EXT1: variants seen among roughly 807,000 people sequenced by gnomAD.
EXT1 encodes the protein exostosin-1.
EXT1 carries 20 observed loss-of-function variants against 82.5 expected under a neutral mutation model. The ratio of observed to expected loss-of-function variants is 0.24; its 90% confidence interval spans 0.17 to 0.35. EXT1 has a LOEUF of 0.35. Among genes scored for constraint, EXT1 ranks in the 10% least tolerant of loss-of-function variants. The probability of loss-of-function intolerance (pLI) is 1.00; values close to 1 mark genes in which losing one functional copy is unlikely to be tolerated. For missense variants in EXT1, 757 were observed against 936.5 expected (o/e 0.81, Z 2.50); for synonymous variants, 348 against 350.8 (o/e 0.99, Z 0.09).
intron 1 of EXT1, among the ~76,000 whole-genome samples, chr8:117,913,909 A>C (rs1416272293): frequency 6.6e-6 from 1 of 152,198 alleles, no homozygotes; most frequent in Admixed American, 6.5e-5. Flanking sequence ...CAATTTGCCC[A>C]CCTCAGGACT....
intron 1 of EXT1, among the ~76,000 whole-genome samples, chr8:117,967,182 A>C (rs185078496): frequency 1.2e-3 from 177 of 152,356 alleles, no homozygotes; most frequent in Admixed American, 2.0e-3. Context: ...CATGAAAAGA[A>C]GAATTATGAG....
At chr8:117,877,500 G>A (rs1391686643) in intron 1 of EXT1, among the ~76,000 whole-genome samples, 1 of 152,116 alleles carries the variant, frequency 6.6e-6, no homozygotes, top group Non-Finnish European at 1.5e-5. Flanking sequence ...TTTTTGCAGG[G>A]TTTTGTTCTT....
At chr8:117,914,534 T>G (rs963412740) in intron 1 of EXT1, among the ~76,000 whole-genome samples, 1 of 152,070 alleles carries the variant, frequency 6.6e-6, no homozygotes. Context: ...GACGTGCGAG[T>G]AGGAAAGATA....
rs1249781326 is a variant in EXT1 at position 117,795,773 on chromosome 8, C to T, written c.*3939G>A. On this transcript the variant is annotated 3_prime_UTR_variant, in exon 11 of 11. Coordinates refer to ENST00000378204, the MANE Select transcript of EXT1 (RefSeq NM_000127.3). ...CTGAGATCACACCAATGCATTCCAG[C>T]CTGGGTGACAGGGCAAGACTCTGTC... 1.3e-5 allele frequency: 2 copies of T among 151,966 alleles called. No homozygotes were observed. The highest frequency in any genetic ancestry group is 6.6e-5 in the Admixed American group (1 of 15,244). The allele number at this position is 151,966 out of a possible 1,614,324, so 9.4% of individuals were successfully genotyped here. A position where few individuals can be genotyped will look rare whatever the true frequency, so the allele number is the denominator to read the frequency against.
At chr8:117,911,487 C>T (rs1053027445) in intron 1 of EXT1, among the ~76,000 whole-genome samples, 2 of 152,144 alleles carry the variant, frequency 1.3e-5, no homozygotes, top group African/African-American at 4.8e-5. Flanking sequence ...ACAAAAGGGA[C>T]AAAAGTCAGC....
chr8:117,991,649 C>T (rs980615383), intron 1 of EXT1, among the ~76,000 whole-genome samples: 2 of 152,272 alleles, frequency 1.3e-5, no homozygotes, highest in Middle Eastern at 3.4e-3. Flanking sequence ...GCAACCTCCA[C>T]CTCCCGGGCT....
At chr8:117,936,463 A>G (rs577672418) in intron 1 of EXT1, among the ~76,000 whole-genome samples, 15 of 152,274 alleles carry the variant, frequency 9.9e-5, no homozygotes, top group East Asian at 1.9e-4. Flanking sequence ...AGAGAAGTCA[A>G]CCTAGAACCC....
intron 10 of EXT1, among the ~76,000 whole-genome samples, chr8:117,802,653 T>C (rs894338153): frequency 6.6e-6 from 1 of 152,234 alleles, no homozygotes; most frequent in Non-Finnish European, 1.5e-5. Flanking sequence ...TTTCTCAGAA[T>C]GTATCCTCAT....
At chr8:117,978,483 C>A (rs1372449740) in intron 1 of EXT1, among the ~76,000 whole-genome samples, 2 of 151,906 alleles carry the variant, frequency 1.3e-5, no homozygotes, top group African/African-American at 4.8e-5. Flanking sequence ...CTTATCTGAA[C>A]TTTTCTCCCT....
chr8:117,869,445 T>C (rs529535185), intron 1 of EXT1, among the ~76,000 whole-genome samples: 18 of 152,302 alleles, frequency 1.2e-4, no homozygotes, highest in Admixed American at 7.8e-4. Context: ...TGGTCTCAAG[T>C]GCATGATGAA....
intron 1 of EXT1, among the ~76,000 whole-genome samples, chr8:118,048,094 T>C (rs1563639866): frequency 1.3e-5 from 2 of 151,854 alleles, no homozygotes; most frequent in South Asian, 2.1e-4. Flanking sequence ...GACATCTTAC[T>C]ACAATTCATA....
intron 1 of EXT1, among the ~76,000 whole-genome samples, chr8:118,096,204 A>G (rs753556323): frequency 3.9e-5 from 6 of 152,232 alleles, no homozygotes; most frequent in Non-Finnish European, 4.4e-5. Flanking sequence ...AATGATAAAA[A>G]GATCATAATG....
chr8:117,854,476 CAT>C (rs369729543), intron 1 of EXT1, among the ~76,000 whole-genome samples: 271 of 151,982 alleles, frequency 1.8e-3, no homozygotes, highest in African/African-American at 6.3e-3. Flanking sequence ...ACACACACAC[CAT>C]ATATATATTT....
intron 1 of EXT1, among the ~76,000 whole-genome samples, chr8:117,999,320 C>T (rs1815610243): frequency 6.6e-6 from 1 of 152,160 alleles, no homozygotes; most frequent in African/African-American, 2.4e-5. Flanking sequence ...CACAACTTAA[C>T]TCCTACACTC....
At chr8:118,046,898 C>T (rs567110384) in intron 1 of EXT1, among the ~76,000 whole-genome samples, 5 of 152,288 alleles carry the variant, frequency 3.3e-5, no homozygotes, top group African/African-American at 1.2e-4. Context: ...TATACCCCAA[C>T]ATATATTCAC....
At chr8:117,883,482 C>G (rs543581059) in intron 1 of EXT1, among the ~76,000 whole-genome samples, 1 of 152,212 alleles carries the variant, frequency 6.6e-6, no homozygotes, top group Non-Finnish European at 1.5e-5. Flanking sequence ...ATGATAAAAG[C>G]TCATCAAAAT....
chr8:117,809,746 T>G (rs996574542), intron 8 of EXT1, among the ~76,000 whole-genome samples: 1 of 152,040 alleles, frequency 6.6e-6, no homozygotes, highest in African/African-American at 2.4e-5. Context: ...CAGGGGATGG[T>G]GAGCATCTGC....
chr8:118,057,134 T>C (rs920433657), intron 1 of EXT1, among the ~76,000 whole-genome samples: 5 of 152,174 alleles, frequency 3.3e-5, no homozygotes, highest in African/African-American at 1.2e-4. Flanking sequence ...CCTCATCACA[T>C]AATAGATGCT....
At chr8:117,919,583 C>A (rs1337724439) in intron 1 of EXT1, among the ~76,000 whole-genome samples, 1 of 149,590 alleles carries the variant, frequency 6.7e-6, no homozygotes. Context: ...CGGCTAACTG[C>A]AGCTTCAAAC....
Sources: gnomAD v4.1 joint callset for allele counts (sites outside exome capture counted in the v4.1 genomes callset) on GRCh38, gnomAD v4.1.1 for gene constraint, MANE v1.5 for transcripts, NCBI Gene and HGNC (gene_info 2026-07-23, HGNC 2026-07-21) for gene names.